The following CACNA1I variants were observed in gnomAD, a reference collection of about 807,000 sequenced individuals.
CACNA1I encodes calcium voltage-gated channel subunit alpha1 I, also known as voltage-dependent T-type calcium channel subunit alpha-1I.
A neutral mutation model predicts 201.6 loss-of-function variants in CACNA1I; 74 were observed. The observed-to-expected ratio is 0.37, with a 90% CI of 0.30 to 0.45. CACNA1I has a LOEUF of 0.45. Among genes scored for constraint, CACNA1I ranks in the 20% least tolerant of loss-of-function variants. The pLI is 1.00. For missense variants in CACNA1I, 2,346 were observed against 3,138.1 expected, an observed-to-expected ratio of 0.75 and a Z score of 6.03; for synonymous variants, 1,431 against 1,345.2, an observed-to-expected ratio of 1.06 and a Z score of -1.40.
rs139519322 is a variant in CACNA1I, at chr22:39,656,466, C to G, written c.1993-1686C>G. The stretch of plus-strand genomic sequence containing the variant: ...TAGCACCGCTCCCCTAGCCACCCCC[C>G]ACTTTCCTGGCGTCAGCACACACTG... On this transcript the variant is annotated intron_variant, in intron 10 of 36. Transcript: ENST00000402142. 1.6e-4 allele frequency: 83 copies of G among 517,528 alleles called. 1 individual carries two copies. Among genetic ancestry groups the G allele is most frequent in the Admixed American group, 1.1e-3 (58 of 51,510 alleles). 32.1% of individuals were successfully genotyped at this position (517,528 alleles called of 1,614,324 possible).
Position 39,662,224 on chromosome 22 carries a change from G to A in CACNA1I, c.3161G>A (p.Arg1054His). The A allele has an allele frequency of 2.6e-6, 4 of 1,528,620 alleles. No homozygotes were observed. Among genetic ancestry groups the A allele is most frequent in the South Asian group, 1.2e-5 (1 of 82,396 alleles). The allele number at this position is 1,528,620 out of a possible 1,614,324, so 94.7% of individuals were successfully genotyped here. A position where few individuals can be genotyped will look rare whatever the true frequency, so the allele number is the denominator to read the frequency against. The change falls in exon 17 of 37, where the codon CGC (arginine) becomes CAC (histidine). Residue 1054 changes from arginine to histidine, a missense_variant. Coordinates refer to ENST00000402142, the MANE Select transcript of CACNA1I (RefSeq NM_021096.4). ...PHLAHRHRHHRRTLSLDNRDS... is the reference protein window; with the variant it reads ...PHLAHRHRHHHRTLSLDNRDS... The stretch of plus-strand genomic sequence containing the variant: ...CTGGCGCACCGCCACCGCCACCACC[G>A]CCGGACGCTGTCCCTCGACAACAGG...
At chr22:39,624,845 A>G (rs1057427299) in intron 4 of CACNA1I, among the ~76,000 whole-genome samples, 4 of 150,852 alleles carry the variant, frequency 2.7e-5, no homozygotes, top group African/African-American at 9.8e-5. Context: ...TTTTTAAAAT[A>G]TGATTTTCCT....
intron 20 of CACNA1I, 48 bp from the exon 21 acceptor site, chr22:39,664,691 G>GCC: frequency 2.1e-6 from 1 of 465,834 alleles, no homozygotes; most frequent in South Asian, 2.2e-5. Context: ...CCGCCCACCT[G>GCC]CCCGCCCCTC....
At chr22:39,592,208 C>T (rs567827593) in intron 1 of CACNA1I, among the ~76,000 whole-genome samples, 1 of 152,310 alleles carries the variant, frequency 6.6e-6, no homozygotes, top group African/African-American at 2.4e-5. Context: ...GATTGCATCA[C>T]CATTGATCTG....
At chr22:39,571,076 C>T (rs767358138) in intron 1 of CACNA1I, 88 bp downstream of exon 1, 20 of 1,171,370 alleles carry the variant, frequency 1.7e-5, no homozygotes, top group South Asian at 2.5e-5. Context: ...CACCTTGCTC[C>T]GGCTGGGAGA....
intron 23 of CACNA1I, 74 bp from the exon 24 acceptor site, chr22:39,668,218 G>A: frequency 1.2e-6 from 1 of 849,962 alleles, no homozygotes; most frequent in East Asian, 2.5e-5. Context: ...AGAATAGAGA[G>A]CTGAGGAGGG....
chr22:39,573,443 G>A lies in CACNA1I; in HGVS notation c.236+2455G>A, dbSNP rs117774651. Reference sequence around the variant, plus strand: ...GGGCTGGCTGGGGTGCTGCCCACGTGTCACGGAGAGGCCCCTAGATGGGGG... The same window carrying A: ...GGGCTGGCTGGGGTGCTGCCCACGTATCACGGAGAGGCCCCTAGATGGGGG... On this transcript the variant is annotated intron_variant, in intron 1 of 36. Transcript: ENST00000402142. 6.4e-4 allele frequency among the ~76,000 whole-genome samples: 97 copies of A among 152,164 alleles called. 2 individuals are homozygous for A. In the East Asian group the frequency reaches 0.017, roughly 27 times the overall value.
chr22:39,589,869 T>G (rs1343998614), intron 1 of CACNA1I, among the ~76,000 whole-genome samples: 2 of 152,194 alleles, frequency 1.3e-5, no homozygotes, highest in African/African-American at 4.8e-5. Flanking sequence ...CCACCTGATT[T>G]ATTTAGACAA....
chr22:39,626,788 G>A (rs1281693501), intron 4 of CACNA1I, among the ~76,000 whole-genome samples: 1 of 152,108 alleles, frequency 6.6e-6, no homozygotes, highest in Non-Finnish European at 1.5e-5. Context: ...GTAGAGACGG[G>A]GTTTCACCAT....
chr22:39,686,209 TGGCCGCCCCC>T lies in CACNA1I; in HGVS notation c.6487_6496del (p.Gly2163ThrfsTer106), dbSNP rs1935869017. On this transcript the variant is annotated frameshift_variant, in exon 37 of 37. Transcript: ENST00000402142. LOFTEE classifies it low-confidence loss of function (END_TRUNC). ...AGGAAGTTCAGCAGCACCAGCAGCC[TGGCCGCCCCC>T]GGCCGCCCCCACGCCGCCGCCCTGG... is the stretch of plus-strand genomic sequence containing the variant. 4.0e-6 allele frequency: 5 copies of T among 1,248,724 alleles called. No individual in the cohort carries two copies. The highest frequency in any genetic ancestry group is 3.0e-5 in the South Asian group (1 of 33,698). 77.4% of individuals were successfully genotyped at this position (1,248,724 alleles called of 1,614,324 possible).
At position 39,570,899 on chromosome 22, in the gene CACNA1I, C is replaced by A. The variant is rs927246491; in HGVS notation, c.147C>A (p.Val49=). 2 of 1,613,884 alleles carry A rather than the reference C, an allele frequency of 1.2e-6. No homozygotes were observed. Among genetic ancestry groups the A allele is most frequent in the South Asian group, 2.2e-5 (2 of 91,086 alleles). Reference sequence around the variant, plus strand: ...CTCTGGATGGAGCTGATCCTCATGTCCCACACCCAGACCTGGCGCCTATTG... The same window carrying A: ...CTCTGGATGGAGCTGATCCTCATGTACCACACCCAGACCTGGCGCCTATTG... ...EEPLDGADPH[V]PHPDLAPIAF... The change falls in exon 1 of 37, where the codon GTC becomes GTA. Residue 49 remains valine, a synonymous_variant. Coordinates refer to ENST00000402142, the MANE Select transcript of CACNA1I (RefSeq NM_021096.4).
In CACNA1I at chr22:39,684,283, T is replaced by C; in HGVS notation, c.5831-19T>C. On this transcript the variant is annotated intron_variant, in intron 35 of 36. Transcript: ENST00000402142. This position sits in a 1 kb window ranked among gnomAD's most constrained non-coding sequence, Gnocchi z 4.6. Reference sequence around the variant, plus strand: ...GCCTGAGCGTGCTCCCTCAGCTCTGTCTTCTCCTTTCCCAGCAGCACCCCC... The same window carrying C: ...GCCTGAGCGTGCTCCCTCAGCTCTGCCTTCTCCTTTCCCAGCAGCACCCCC... 6.2e-7 allele frequency: 1 copy of C among 1,611,514 alleles called. No homozygotes were observed. Among genetic ancestry groups the C allele is most frequent in the Non-Finnish European group, 8.5e-7 (1 of 1,178,682 alleles).
intron 3 of CACNA1I, among the ~76,000 whole-genome samples, chr22:39,616,911 A>T (rs1020553633): frequency 1.3e-5 from 2 of 152,162 alleles, no homozygotes; most frequent in African/African-American, 4.8e-5. Context: ...GAGAGCCAAT[A>T]GTCCTAGACT....
intron 4 of CACNA1I, among the ~76,000 whole-genome samples, chr22:39,620,246 TCC>T (rs1262148856): frequency 6.8e-4 from 58 of 85,028 alleles, no homozygotes; most frequent in African/African-American, 2.6e-3. Context: ...TGTCCATCCA[TCC>T]ATCCATCCAT....
rs374204239 is a variant in CACNA1I, at chr22:39,660,329, C to T, written c.2605-15C>T. The T allele has an allele frequency of 3.3e-5, 53 of 1,603,610 alleles. No individual in the cohort carries two copies. Among genetic ancestry groups the T allele is most frequent in the Middle Eastern group, 1.7e-4 (1 of 6,040 alleles). On this transcript the variant is annotated splice_polypyrimidine_tract_variant and intron_variant, in intron 14 of 36. Coordinates refer to ENST00000402142, the MANE Select transcript of CACNA1I (RefSeq NM_021096.4). ...TGGACTGACCTGCATTCTAACGTGA[C>T]GGATGCTCTCCCAGGGTGACGCCAA...
At position 39,581,169 on chromosome 22, in the gene CACNA1I, A is replaced by G. The variant is rs145988532; in HGVS notation, c.236+10181A>G. Among the ~76,000 whole-genome samples, 588 of 152,306 alleles carry G rather than the reference A, an allele frequency of 3.9e-3. 3 individuals are homozygous for G. The highest frequency in any genetic ancestry group is 7.1e-3 in the Non-Finnish European group (482 of 68,018). On this transcript the variant is annotated intron_variant, in intron 1 of 36. Coordinates refer to ENST00000402142, the MANE Select transcript of CACNA1I (RefSeq NM_021096.4). ...GGGGATGCCACAGGAGCCTCCTCCCATGAAGAAGGAAGCCTCAGAGCTAGG... is the reference window on the plus strand; with the variant it reads ...GGGGATGCCACAGGAGCCTCCTCCCGTGAAGAAGGAAGCCTCAGAGCTAGG...
intron 1 of CACNA1I, among the ~76,000 whole-genome samples, chr22:39,595,625 C>A (rs1468401668): frequency 6.9e-6 from 1 of 145,092 alleles, no homozygotes; most frequent in Admixed American, 6.9e-5. Flanking sequence ...AACTCCATCT[C>A]AAAAAAAAAA....
Position 39,646,860 on chromosome 22 carries a change from G to T in CACNA1I, c.1441G>T (p.Ala481Ser), listed in dbSNP as rs189261923. The change falls in exon 8 of 37, where the codon GCC (alanine) becomes TCC (serine). Residue 481 changes from alanine (A) to serine (S), a missense_variant. Coordinates refer to ENST00000402142, the MANE Select transcript of CACNA1I (RefSeq NM_021096.4). ...APAPAKPGPH[A>S]KEPRHYHGKT... is the part of the protein sequence containing the mutation. ...GGCCCCCGCCAAACCTGGGCCCCAC[G>T]CCAAGGAGCCCCGGCACTACCGTAA... 1.3e-5 allele frequency: 20 copies of T among 1,511,426 alleles called. No individual in the cohort carries two copies. The African/African-American group carries it at 1.7e-4, about 13-fold the overall frequency. 93.6% of individuals were successfully genotyped at this position (1,511,426 alleles called of 1,614,324 possible).
At chr22:39,589,750 C>G (rs920361230) in intron 1 of CACNA1I, among the ~76,000 whole-genome samples, 5 of 152,168 alleles carry the variant, frequency 3.3e-5, no homozygotes, top group Non-Finnish European at 7.3e-5. Flanking sequence ...TGAGCTCCCC[C>G]TCCTTTGGGT....
Sources: gnomAD v4.1 joint callset for allele counts (sites outside exome capture counted in the v4.1 genomes callset) on GRCh38, gnomAD v4.1.1 for gene constraint, Gnocchi (gnomAD v3.1) non-coding constraint, MANE v1.5 for transcripts, NCBI Gene and HGNC (gene_info 2026-07-23, HGNC 2026-07-21) for gene names.